The following ANKRD30A variants were observed in gnomAD, a reference collection of about 807,000 sequenced individuals.
The protein encoded by ANKRD30A is ankyrin repeat domain 30A.
A neutral mutation model predicts 166.3 loss-of-function variants in ANKRD30A; 170 were observed. The ratio of observed to expected loss-of-function variants is 1.02; its 90% CI spans 0.90 to 1.16. The LOEUF is 1.16. Among genes scored for constraint, ANKRD30A ranks in the 50% most tolerant of loss-of-function variants. The pLI is 0.00. For missense variants in ANKRD30A, 1,630 were observed against 1,518.0 expected (o/e 1.07, Z -1.23); for synonymous variants, 564 against 508.9 (o/e 1.11, Z -1.46).
Position 37,199,773 on chromosome 10 carries a change from T to G in ANKRD30A, c.2763T>G (p.Asn921Lys), listed in dbSNP as rs991476047. The stretch of plus-strand genomic sequence containing the variant: ...CAAAACAAAAGAAGGTTGAAGAAAA[T>G]TCTTGGGATTCTGAGGTACTATGTG... ...SESKQKKVEE[N>K]SWDSESLRET... Residue 921 changes from asparagine (N) to lysine (K), a missense_variant, in exon 30 of 36, where the codon AAT (asparagine) becomes AAG (lysine). Coordinates refer to ENST00000361713, the MANE Select transcript of ANKRD30A (RefSeq NM_052997.3). The G allele has an allele frequency of 1.9e-6, 3 of 1,572,624 alleles. No homozygotes were observed. The African/African-American group carries it at 4.1e-5, about 21-fold the overall frequency.
chr10:37,158,239 A>G (rs1047991944), intron 13 of ANKRD30A, among the ~76,000 whole-genome samples, 153 bp from the exon 14 acceptor site: 1 of 152,196 alleles, frequency 6.6e-6, no homozygotes, highest in African/African-American at 2.4e-5. Context: ...TGGCATGATA[A>G]CAAATACAAT....
rs1723566980 is a variant in ANKRD30A at position 37,157,512 on chromosome 10, T to G, written c.1799-880T>G. On this transcript the variant is annotated intron_variant, in intron 13 of 35. Transcript: ENST00000361713. ...ACCCAAGTAGCTGGGTTTACAGGCA[T>G]GTACCACCATACCTGGCTGATTTTT... Among the ~76,000 whole-genome samples, 3 of 152,146 alleles carry G rather than the reference T, an allele frequency of 2.0e-5. No individual in the cohort carries two copies. The South Asian group carries it at 6.2e-4, about 32-fold the overall frequency.
chr10:37,206,172 A>G (rs951536290), intron 31 of ANKRD30A, among the ~76,000 whole-genome samples: 1 of 152,176 alleles, frequency 6.6e-6, no homozygotes, highest in Non-Finnish European at 1.5e-5. Context: ...TTATTTTGCT[A>G]AAGAATAGCA....
chr10:37,239,046 C>G, the ANKRD30A span, among the ~76,000 whole-genome samples: 1 of 152,088 alleles, frequency 6.6e-6, no homozygotes, highest in Non-Finnish European at 1.5e-5. Flanking sequence ...TACACAATTT[C>G]AGACCTTGTT....
chr10:37,193,528 G>A (rs895392739), intron 27 of ANKRD30A, among the ~76,000 whole-genome samples: 20 of 152,002 alleles, frequency 1.3e-4, no homozygotes, highest in East Asian at 5.8e-4. Flanking sequence ...ATTTCTGTAC[G>A]CGCTTGGTTT....
chr10:37,156,072 C>CATA (rs1838357572), intron 13 of ANKRD30A, among the ~76,000 whole-genome samples: 1 of 143,706 alleles, frequency 7.0e-6, no homozygotes, highest in Non-Finnish European at 1.5e-5. Flanking sequence ...CAGAGTGATA[C>CATA]GCTATCAAAA....
chr10:37,143,747 C>A (rs1052258843), intron 7 of ANKRD30A, among the ~76,000 whole-genome samples: 2 of 148,888 alleles, frequency 1.3e-5, no homozygotes, highest in Admixed American at 6.7e-5. Context: ...AATGTGTGAG[C>A]AAACAGGCAA....
At chr10:37,222,255 A>T (rs916545432) in intron 34 of ANKRD30A, among the ~76,000 whole-genome samples, 1 of 150,964 alleles carries the variant, frequency 6.6e-6, no homozygotes, top group Non-Finnish European at 1.5e-5. Flanking sequence ...ACCACCGCCC[A>T]CCTCCATGTT....
chr10:37,220,304 G>A (rs76497188), intron 34 of ANKRD30A, among the ~76,000 whole-genome samples: 1 of 150,848 alleles, frequency 6.6e-6, no homozygotes, highest in Non-Finnish European at 1.5e-5. Flanking sequence ...TCAGCAATTA[G>A]TATTTTGAAA....
chr10:37,149,635 C>T lies in ANKRD30A; in HGVS notation c.1544-16C>T. On this transcript the variant is annotated splice_polypyrimidine_tract_variant and intron_variant, in intron 9 of 35. Transcript: ENST00000361713. The stretch of plus-strand genomic sequence containing the variant: ...TACTTACTTATGATTGATGATAAAT[C>T]TCTTTTGCTTTTTAGAGCCTCCTAA... 2 of 1,610,456 alleles carry T rather than the reference C, an allele frequency of 1.2e-6. 1 individual carries two copies. The highest frequency in any genetic ancestry group is 2.7e-5 in the African/African-American group (2 of 74,884).
intron 6 of ANKRD30A, 147 bp downstream of exon 6, chr10:37,136,818 T>A: frequency 4.6e-6 from 1 of 218,082 alleles, no homozygotes; most frequent in Non-Finnish European, 9.1e-6. Flanking sequence ...TGTGTATGTG[T>A]GTGTGTGTGT....
At chr10:37,252,322 G>A in the ANKRD30A span, among the ~76,000 whole-genome samples, 1 of 152,104 alleles carries the variant, frequency 6.6e-6, no homozygotes, top group South Asian at 2.1e-4. Flanking sequence ...CATGAATTAA[G>A]CAACTAGGCC....
chr10:37,222,812 A>AC (rs1207253312), intron 34 of ANKRD30A, among the ~76,000 whole-genome samples: 3 of 151,416 alleles, frequency 2.0e-5, no homozygotes, highest in Non-Finnish European at 4.4e-5. Flanking sequence ...TTGGTGCAGA[A>AC]CAATTTAACT....
chr10:37,202,973 T>C (rs990696170), intron 31 of ANKRD30A, among the ~76,000 whole-genome samples: 1 of 152,164 alleles, frequency 6.6e-6, no homozygotes, highest in Non-Finnish European at 1.5e-5. Flanking sequence ...TAACAGGCTC[T>C]GTAATTGAGG....
chr10:37,192,933 C>T (rs1316523017), intron 25 of ANKRD30A, 131 bp from the exon 26 acceptor site: 2 of 1,469,262 alleles, frequency 1.4e-6, no homozygotes, highest in East Asian at 2.3e-5. Context: ...ACCCAAAAGA[C>T]CCCAAAAGCT....
At position 37,219,055 on chromosome 10, in the gene ANKRD30A, A is replaced by G; in HGVS notation, c.3343A>G (p.Lys1115Glu). The change falls in exon 34 of 36, where the codon AAA (lysine) becomes GAA (glutamate). Residue 1115 changes from lysine to glutamate, a missense_variant. Transcript: ENST00000361713. ...GTTGAAAAAGGAAATTGCCATGCTA[A>G]AACTGGAAATAGCCACACTGAAACA... ...CMLKKEIAML[K>E]LEIATLKHQY... The G allele has an allele frequency of 5.6e-6, 9 of 1,606,842 alleles. No individual in the cohort carries two copies. Among genetic ancestry groups the G allele is most frequent in the Non-Finnish European group, 7.7e-6 (9 of 1,176,096 alleles).
the ANKRD30A span, among the ~76,000 whole-genome samples, chr10:37,240,502 T>C: frequency 5.9e-5 from 9 of 152,186 alleles, no homozygotes; most frequent in Non-Finnish European, 1.3e-4. Context: ...ATATTCTACA[T>C]TTCTTGGAAT....
In ANKRD30A at chr10:37,132,282, G is replaced by T. The variant is rs770307178; in HGVS notation, c.553G>T (p.Glu185Ter). 1 of 1,607,146 alleles carries T rather than the reference G, an allele frequency of 6.2e-7. No individual in the cohort carries two copies. The highest frequency in any genetic ancestry group is 1.1e-5 in the South Asian group (1 of 88,900). ...TTTACTATCCATAACGAAAAGAAGTGAGCAAATTGTGGAATTTTTGCTGAT... is the reference window on the plus strand; with the variant it reads ...TTTACTATCCATAACGAAAAGAAGTTAGCAAATTGTGGAATTTTTGCTGAT... ...PLLLSITKRS[E>*]QIVEFLLIKN... The change falls in exon 4 of 36, where the codon GAG becomes TAG. Residue 185 changes from glutamate (E) to a stop codon, truncating the protein, a stop_gained. Coordinates refer to ENST00000361713, the MANE Select transcript of ANKRD30A (RefSeq NM_052997.3). LOFTEE classifies it high-confidence loss of function.
intron 13 of ANKRD30A, among the ~76,000 whole-genome samples, chr10:37,156,193 G>T (rs981189807): frequency 6.6e-6 from 1 of 151,974 alleles, no homozygotes; most frequent in Non-Finnish European, 1.5e-5. Context: ...ACAAGCCTTT[G>T]TTTAAGTGTA....
Sources: gnomAD v4.1 joint callset for allele counts (sites outside exome capture counted in the v4.1 genomes callset) on GRCh38, gnomAD v4.1.1 for gene constraint, MANE v1.5 for transcripts, NCBI Gene and HGNC (gene_info 2026-07-23, HGNC 2026-07-21) for gene names.